PDLIM5: variants seen among roughly 807,000 people sequenced by gnomAD.
PDLIM5 encodes the protein PDZ and LIM domain 5.
Under a neutral mutation model 64.2 loss-of-function variants are expected in PDLIM5, and 34 were observed. The observed-to-expected ratio is 0.53, with a 90% CI of 0.40 to 0.71. PDLIM5 has a LOEUF of 0.71. Ranked by LOEUF, PDLIM5 falls within the 30% of genes least tolerant of loss-of-function variation. The pLI, the probability that PDLIM5 is intolerant of heterozygous loss-of-function variation, is 0.00. For synonymous variants in PDLIM5, 253 were observed against 269.1 expected, an observed-to-expected ratio of 0.94 and a Z score of 0.59; for missense variants, 683 against 733.6, an observed-to-expected ratio of 0.93 and a Z score of 0.80.
At chr4:94,561,136 A>T (rs936800640) in intron 3 of PDLIM5, among the ~76,000 whole-genome samples, 6 of 152,256 alleles carry the variant, frequency 3.9e-5, no homozygotes, top group South Asian at 2.1e-4. Flanking sequence ...CCTCGTTACA[A>T]ATAGTATACT....
chr4:94,612,869 T>C (rs952033002), intron 7 of PDLIM5, among the ~76,000 whole-genome samples: 2 of 151,804 alleles, frequency 1.3e-5, no homozygotes, highest in Admixed American at 1.3e-4. Context: ...TCTTTAAAAG[T>C]ATAAATATAG....
intron 5 of PDLIM5, chr4:94,584,322 A>G (rs1656962771): frequency 6.6e-6 from 1 of 152,210 alleles, no homozygotes; most frequent in Admixed American, 6.5e-5. Flanking sequence ...ACTATTCATG[A>G]TGCTCAATAT....
At position 94,523,989 on chromosome 4, in the gene PDLIM5, T is replaced by C. The variant is rs1399772613; in HGVS notation, c.248+114T>C. ...CAGTTTCTGCTACCATCATTTCAGGTAAATAAAAAATATAATGGCTCTTAA... is the reference window on the plus strand; with the variant it reads ...CAGTTTCTGCTACCATCATTTCAGGCAAATAAAAAATATAATGGCTCTTAA... On this transcript the variant is annotated intron_variant, in intron 3 of 12. Transcript: ENST00000317968. The C allele has an allele frequency of 4.4e-6, 3 of 681,420 alleles. No homozygotes were observed. The East Asian group carries it at 7.8e-5, about 18-fold the overall frequency. The allele number at this position is 681,420 out of a possible 1,614,324, so 42.2% of individuals were successfully genotyped here. A position where few individuals can be genotyped will look rare whatever the true frequency, so the allele number is the denominator to read the frequency against.
chr4:94,642,602 A>G (rs1741083831), intron 9 of PDLIM5, among the ~76,000 whole-genome samples: 1 of 152,196 alleles, frequency 6.6e-6, no homozygotes, highest in Admixed American at 6.5e-5. Context: ...TTCATTTACT[A>G]AGGAAGTTAA....
At chr4:94,576,143 G>C in intron 5 of PDLIM5, 109 bp downstream of exon 5, 1 of 873,810 alleles carries the variant, frequency 1.1e-6, no homozygotes, top group Non-Finnish European at 1.8e-6. Context: ...TGAAGGAAGG[G>C]AGATGAAGTA....
chr4:94,640,500 G>GTT (rs10716970), intron 9 of PDLIM5, 50 bp downstream of exon 9: 2,655 of 749,176 alleles, frequency 3.5e-3, no homozygotes, highest in South Asian at 4.9e-3. Flanking sequence ...TCAATGTTGG[G>GTT]TTTTTTTTTT....
intron 3 of PDLIM5, among the ~76,000 whole-genome samples, chr4:94,526,230 G>A (rs1730339157): frequency 6.6e-6 from 1 of 152,118 alleles, no homozygotes; most frequent in African/African-American, 2.4e-5. Context: ...ACACTTCTGA[G>A]CCCCATAAGA....
In PDLIM5 at chr4:94,598,626, A is replaced by G. The variant is rs977662163; in HGVS notation, c.920+12182A>G. ...TAAATACGTCCAACAAATGTTTATG[A>G]GGCACTTATTTGTGCTGGTTTCTAG... On this transcript the variant is annotated intron_variant, in intron 7 of 12. Transcript: ENST00000317968. 2.6e-5 allele frequency among the ~76,000 whole-genome samples: 4 copies of G among 152,244 alleles called. No homozygotes were observed. In the East Asian group the frequency reaches 7.7e-4, roughly 29 times the overall value.
rs551312937 is a variant in PDLIM5, at chr4:94,503,646, T to A, written c.97-20078T>A. Among the ~76,000 whole-genome samples the A allele has an allele frequency of 5.3e-5, 8 of 152,360 alleles. No homozygotes were observed. In the South Asian group the frequency reaches 1.7e-3, roughly 32 times the overall value. ...TTTCATTGCCAATCAAACCATTTAG[T>A]TTCTGATGATTGTCCTATTTTAAAA... On this transcript the variant is annotated intron_variant, in intron 2 of 12. Transcript: ENST00000317968.
At chr4:94,466,881 A>G (rs922491382) in intron 2 of PDLIM5, among the ~76,000 whole-genome samples, 9 of 152,234 alleles carry the variant, frequency 5.9e-5, no homozygotes, top group African/African-American at 1.7e-4. Context: ...TAATATTTTA[A>G]TGCTTTAACA....
At chr4:94,467,095 A>C (rs1466191693) in intron 2 of PDLIM5, among the ~76,000 whole-genome samples, 1 of 152,208 alleles carries the variant, frequency 6.6e-6, no homozygotes, top group African/African-American at 2.4e-5. Flanking sequence ...AGTATAATGA[A>C]TAGTTCATGT....
chr4:94,456,649 T>G, intron 2 of PDLIM5: 2 of 930,620 alleles, frequency 2.1e-6, no homozygotes. Context: ...TACTGAAGAG[T>G]ATTTGTGGCA....
chr4:94,503,419 G>A (rs1298329237), intron 2 of PDLIM5, among the ~76,000 whole-genome samples: 1 of 152,138 alleles, frequency 6.6e-6, no homozygotes, highest in African/African-American at 2.4e-5. Flanking sequence ...TGAATAACTT[G>A]GGTATTTTTC....
intron 4 of PDLIM5, among the ~76,000 whole-genome samples, chr4:94,574,160 G>A (rs760631507): frequency 8.5e-5 from 13 of 152,128 alleles, no homozygotes; most frequent in Non-Finnish European, 1.5e-4. Context: ...ATTCGTGTGG[G>A]CACTAAGCTA....
At chr4:94,612,598 A>G (rs2110380702) in intron 7 of PDLIM5, among the ~76,000 whole-genome samples, 1 of 152,292 alleles carries the variant, frequency 6.6e-6, no homozygotes, top group South Asian at 2.1e-4. Flanking sequence ...CTATGGCCCC[A>G]CCTCTAGAGC....
At chr4:94,507,407 C>T (rs1191818680) in intron 2 of PDLIM5, among the ~76,000 whole-genome samples, 8 of 152,154 alleles carry the variant, frequency 5.3e-5, no homozygotes, top group Admixed American at 1.3e-4. Context: ...TGCAGAGTCT[C>T]GTTTAAATAT....
rs559899251 is a variant in PDLIM5 at position 94,658,258 on chromosome 4, A to T, written c.1585+711A>T. ...CGACTGCCTTGAAAATAAACTGGAG[A>T]TCGTTTGTTACTTTTACTGAATGAG... On this transcript the variant is annotated intron_variant, in intron 11 of 12. Transcript: ENST00000317968. 1.5e-4 allele frequency among the ~76,000 whole-genome samples: 23 copies of T among 152,230 alleles called. No homozygotes were observed. The South Asian group carries it at 4.0e-3, about 26-fold the overall frequency.
rs575281706 is a variant in PDLIM5 at position 94,499,316 on chromosome 4, GA to G, written c.97-24405del. On this transcript the variant is annotated intron_variant, in intron 2 of 12. Transcript: ENST00000317968. ...TCTGTATTTTTTCACCCCTTTCTTG[GA>G]AATAAATGGAAACTTTCATTTATTT... Among the ~76,000 whole-genome samples the G allele has an allele frequency of 4.1e-3, 616 of 152,052 alleles. 5 individuals are homozygous for G. Among genetic ancestry groups the G allele is most frequent in the African/African-American group, 0.014 (585 of 41,478 alleles).
At chr4:94,480,103 C>T (rs548695309) in intron 2 of PDLIM5, among the ~76,000 whole-genome samples, 106 of 152,298 alleles carry the variant, frequency 7.0e-4, no homozygotes, top group Middle Eastern at 3.4e-3. Flanking sequence ...TATGACTTCT[C>T]TTACTCACCA....
Sources: allele counts gnomAD v4.1 joint callset (sites outside exome capture counted in the v4.1 genomes callset), GRCh38; gene constraint gnomAD v4.1.1; transcripts MANE v1.5; gene names NCBI Gene and HGNC (gene_info 2026-07-23, HGNC 2026-07-21).